SP100: variants seen among roughly 807,000 people sequenced by gnomAD.
SP100 encodes SP100 nuclear body protein.
Under a neutral mutation model 130.0 loss-of-function variants are expected in SP100, and 84 were observed. The observed-to-expected ratio is 0.65, with a 90% CI of 0.54 to 0.77. The LOEUF (loss-of-function observed/expected upper bound fraction) is 0.77, where lower values mean the gene tolerates loss of function less well. Among genes scored for constraint, SP100 ranks in the 30% least tolerant of loss-of-function variants. The pLI is 0.00. For missense variants in SP100, 978 were observed against 1,052.2 expected, an observed-to-expected ratio of 0.93 and a Z score of 0.97; for synonymous variants, 331 against 351.7, an observed-to-expected ratio of 0.94 and a Z score of 0.66.
chr2:230,497,269 A>C (rs1302634181), intron 18 of SP100, among the ~76,000 whole-genome samples: 1 of 152,064 alleles, frequency 6.6e-6, no homozygotes, highest in Non-Finnish European at 1.5e-5. Context: ...CTTTGATGAA[A>C]GGTGACTACA....
intron 25 of SP100, among the ~76,000 whole-genome samples, chr2:230,540,472 T>C (rs1158575680): frequency 1.3e-5 from 2 of 152,222 alleles, no homozygotes; most frequent in Non-Finnish European, 2.9e-5. Context: ...TCAGCAAAGT[T>C]GAGAAACAAG....
intron 24 of SP100, among the ~76,000 whole-genome samples, chr2:230,535,523 TTCTC>T (rs141197281): frequency 6.6e-6 from 1 of 151,768 alleles, no homozygotes; most frequent in African/African-American, 2.4e-5. Flanking sequence ...TGAGGCATAT[TTCTC>T]TCTCTCTCTG....
chr2:230,447,053 G>A (rs970051932), intron 5 of SP100, 151 bp downstream of exon 5: 4 of 572,882 alleles, frequency 7.0e-6, no homozygotes, highest in Non-Finnish European at 1.2e-5. Context: ...CAGGGTCCTG[G>A]AGAAGTGGCC....
chr2:230,522,476 CTTTTT>C (rs750389091), intron 24 of SP100, among the ~76,000 whole-genome samples: 2 of 82,140 alleles, frequency 2.4e-5, no homozygotes, highest in Non-Finnish European at 4.3e-5. Flanking sequence ...CCCCAGTGTT[CTTTTT>C]TTTTTTTTTT....
Position 230,469,052 on chromosome 2 carries a change from C to A in SP100, c.1301C>A (p.Thr434Asn). 1 of 1,593,606 alleles carries A rather than the reference C, an allele frequency of 6.3e-7. No homozygotes were observed. The highest frequency in any genetic ancestry group is 8.6e-7 in the Non-Finnish European group (1 of 1,164,244). Residue 434 changes from threonine (T) to asparagine (N), a missense_variant, in exon 14 of 29, where the codon ACT becomes AAT. Physicochemically the swap from Thr to Asn is moderately conservative, Grantham distance 65 (BLOSUM62 0). Transcript: ENST00000340126. ...RSKHGEKAPM[T>N]SRSTSTWRIP... The stretch of plus-strand genomic sequence containing the variant: ...TTCCTTTACTTTCTAGCTCCTATGA[C>A]TTCTAGAAGTACATCTACTTGGAGA...
At position 230,445,723 on chromosome 2, in the gene SP100, G is replaced by A. The variant is rs938307576; in HGVS notation, c.440-1096G>A. ...TTGTAAGCAGGATGGTCCAGGCTGC[G>A]GGGATGAAGGGAATGGTGCTACCTT... On this transcript the variant is annotated intron_variant, in intron 4 of 28. Transcript: ENST00000340126. Among the ~76,000 whole-genome samples, 6 of 152,138 alleles carry A rather than the reference G, an allele frequency of 3.9e-5. No homozygotes were observed. In the South Asian group the frequency reaches 6.2e-4, roughly 16 times the overall value.
intron 2 of SP100, among the ~76,000 whole-genome samples, chr2:230,441,108 A>C (rs2063450731): frequency 6.6e-6 from 1 of 152,190 alleles, no homozygotes; most frequent in Admixed American, 6.5e-5. Context: ...TATATTTAAA[A>C]AATGCCTACC....
chr2:230,423,964 T>A (rs73000209), intron 2 of SP100, among the ~76,000 whole-genome samples: 17,436 of 152,214 alleles, frequency 0.11, 1,108 homozygotes, highest in African/African-American at 0.17. Flanking sequence ...TCACCACATT[T>A]GAAAGGCAAT....
intron 3 of SP100, among the ~76,000 whole-genome samples, 155 bp from the exon 4 acceptor site, chr2:230,444,023 A>G (rs1490908135): frequency 6.6e-6 from 1 of 152,186 alleles, no homozygotes; most frequent in African/African-American, 2.4e-5. Flanking sequence ...TACTTCTTTC[A>G]TTACTGGCTA....
At chr2:230,470,367 T>C (rs2065204895) in intron 15 of SP100, 1 of 1,099,954 alleles carries the variant, frequency 9.1e-7, no homozygotes, top group African/African-American at 1.7e-5. Flanking sequence ...GGTATTCTTT[T>C]TTTTAAACCT....
chr2:230,522,688 C>A (rs1172623848), intron 24 of SP100, among the ~76,000 whole-genome samples: 1 of 151,710 alleles, frequency 6.6e-6, no homozygotes, highest in African/African-American at 2.4e-5. Flanking sequence ...CAGGGTTTTG[C>A]AGTGTTGACC....
In SP100 at chr2:230,447,291, C is replaced by A. The variant is rs546403746; in HGVS notation, c.523+389C>A. On this transcript the variant is annotated intron_variant, in intron 5 of 28. Coordinates refer to ENST00000340126, the MANE Select transcript of SP100 (RefSeq NM_001080391.2). Reference sequence around the variant, plus strand: ...AAGGCTCCTGTTTTACCTGTACTGTCATATTCACAACACTTCTGACACCAA... The same window carrying A: ...AAGGCTCCTGTTTTACCTGTACTGTAATATTCACAACACTTCTGACACCAA... Among the ~76,000 whole-genome samples, 46 of 152,350 alleles carry A rather than the reference C, an allele frequency of 3.0e-4. No homozygotes were observed. In the South Asian group the frequency reaches 4.1e-3, roughly 14 times the overall value.
At chr2:230,540,218 A>G (rs369349925) in intron 25 of SP100, among the ~76,000 whole-genome samples, 23 of 152,192 alleles carry the variant, frequency 1.5e-4, no homozygotes, top group Non-Finnish European at 1.9e-4. Flanking sequence ...TTGAGCAAGC[A>G]CTACATGGCC....
At chr2:230,461,632 A>G (rs1446239082) in intron 9 of SP100, among the ~76,000 whole-genome samples, 1 of 152,068 alleles carries the variant, frequency 6.6e-6, no homozygotes, top group Non-Finnish European at 1.5e-5. Context: ...GTAATCAGTA[A>G]GAATGTCAGA....
intron 17 of SP100, among the ~76,000 whole-genome samples, chr2:230,485,323 T>TTTGC (rs2066023443): frequency 2.6e-5 from 4 of 152,132 alleles, no homozygotes; most frequent in African/African-American, 9.7e-5. Context: ...ATGTTTTTTA[T>TTTGC]TATTGTCATT....
intron 17 of SP100, among the ~76,000 whole-genome samples, chr2:230,488,604 G>A (rs1353549505): frequency 6.6e-6 from 1 of 152,114 alleles, no homozygotes; most frequent in Non-Finnish European, 1.5e-5. Context: ...TAGTAGAGAT[G>A]GGGTTTCACT....
rs145635939 is a variant in SP100 at position 230,445,530 on chromosome 2, A to G, written c.439+1184A>G. On this transcript the variant is annotated intron_variant, in intron 4 of 28. Transcript: ENST00000340126. ...CAATCAAGAAATACTGCAGGTTTATAAACAAGGAAAGAAGTGTAAGCAGTA... is the reference window on the plus strand; with the variant it reads ...CAATCAAGAAATACTGCAGGTTTATGAACAAGGAAAGAAGTGTAAGCAGTA... Among the ~76,000 whole-genome samples, 421 of 152,344 alleles carry G rather than the reference A, an allele frequency of 2.8e-3. 2 individuals are homozygous for G. The highest frequency in any genetic ancestry group is 9.0e-3 in the African/African-American group (373 of 41,574).
At chr2:230,433,429 G>T (rs1005299884) in intron 2 of SP100, among the ~76,000 whole-genome samples, 4 of 152,072 alleles carry the variant, frequency 2.6e-5, no homozygotes, top group African/African-American at 9.7e-5. Context: ...CAAAGTATAA[G>T]TCTTCCAACT....
At chr2:230,417,530 A>G (rs560587340) in intron 1 of SP100, 61 bp from the exon 2 acceptor site, 3 of 1,565,294 alleles carry the variant, frequency 1.9e-6, no homozygotes, top group South Asian at 2.4e-5. Flanking sequence ...AACCTTAAAA[A>G]TGTAATTATT....
Sources: allele counts gnomAD v4.1 joint callset (sites outside exome capture counted in the v4.1 genomes callset), GRCh38; gene constraint gnomAD v4.1.1; transcripts MANE v1.5; gene names NCBI Gene and HGNC (gene_info 2026-07-23, HGNC 2026-07-21).